Variants in CTNND2 observed in about 807,000 individuals in gnomAD.
CTNND2 encodes catenin delta-2.
CTNND2 carries 22 observed loss-of-function variants against 144.4 expected under a neutral mutation model. The observed-to-expected ratio is 0.15, with a 90% CI of 0.11 to 0.22. The LOEUF is 0.22. CTNND2 is among the 10% of genes least tolerant of loss of function. The probability of loss-of-function intolerance (pLI) is 1.00; values close to 1 mark genes in which losing one functional copy is unlikely to be tolerated. For missense variants in CTNND2, 1,353 were observed against 1,618.8 expected (o/e 0.84, Z 2.82); for synonymous variants, 751 against 695.6 (o/e 1.08, Z -1.25).
At chr5:11,041,349 AT>A (rs1326429986) in intron 16 of CTNND2, among the ~76,000 whole-genome samples, 1 of 152,220 alleles carries the variant, frequency 6.6e-6, no homozygotes, top group African/African-American at 2.4e-5. Context: ...GGATATAAAA[AT>A]GGCAGGTATA....
chr5:11,887,076 C>T (rs982245505), intron 1 of CTNND2, among the ~76,000 whole-genome samples: 3 of 149,832 alleles, frequency 2.0e-5, no homozygotes, highest in African/African-American at 7.4e-5. Context: ...CTCTGCCTCC[C>T]GGGTTCACTC....
chr5:11,570,573 T>G (rs940412479), intron 2 of CTNND2, among the ~76,000 whole-genome samples: 7 of 152,166 alleles, frequency 4.6e-5, no homozygotes, highest in African/African-American at 1.7e-4. Context: ...GATTTTTTGC[T>G]TCATTATCTT....
chr5:11,471,539 T>C (rs529562208), intron 3 of CTNND2, among the ~76,000 whole-genome samples: 2 of 152,352 alleles, frequency 1.3e-5, no homozygotes, highest in East Asian at 1.9e-4. Flanking sequence ...AATAGAATAA[T>C]GGTTTTGATA....
intron 12 of CTNND2, among the ~76,000 whole-genome samples, chr5:11,141,631 A>G (rs2149735537): frequency 6.6e-6 from 1 of 152,324 alleles, no homozygotes; most frequent in African/African-American, 2.4e-5. Context: ...GCAAAGGGAG[A>G]AAAAACTGTT....
intron 3 of CTNND2, among the ~76,000 whole-genome samples, chr5:11,486,655 G>A (rs1201089929): frequency 6.6e-6 from 1 of 151,844 alleles, no homozygotes; most frequent in African/African-American, 2.4e-5. Context: ...ACAGAGGGAG[G>A]AAGAAGGGGA....
intron 2 of CTNND2, among the ~76,000 whole-genome samples, chr5:11,704,608 T>C (rs760957220): frequency 2.0e-5 from 3 of 152,040 alleles, no homozygotes; most frequent in Non-Finnish European, 4.4e-5. Flanking sequence ...ACTGTGTTGG[T>C]CCTGGAGGGC....
intron 8 of CTNND2, among the ~76,000 whole-genome samples, chr5:11,358,350 A>G (rs1194984205): frequency 2.6e-5 from 4 of 152,220 alleles, no homozygotes; most frequent in Non-Finnish European, 4.4e-5. Flanking sequence ...GTGAATCCAC[A>G]CAGGTAAGCA....
chr5:11,082,816 T>C lies in CTNND2; in HGVS notation c.2668A>G (p.Lys890Glu). 1.2e-6 allele frequency: 2 copies of C among 1,614,154 alleles called. No homozygotes were observed. The highest frequency in any genetic ancestry group is 2.2e-5 in the South Asian group (2 of 91,076). The change falls in exon 16 of 22, where the codon AAA becomes GAA. Residue 890 changes from lysine to glutamate, a missense_variant. Lys to Glu is a moderately conservative substitution (Grantham distance 56). This residue lies in a region of CTNND2 where 459 missense variants were observed against 674.3 expected (regional missense o/e 0.68). Coordinates refer to ENST00000304623, the MANE Select transcript of CTNND2 (RefSeq NM_001332.4). ...ACGAGGATGGGCAGGCCTTTCTCTT[T>C]TCGGACAGCGGCTCGGATATATACT... is the stretch of plus-strand genomic sequence containing the variant. Reference protein sequence around the residue: ...WSVYIRAAVRKEKGLPILVEL... With the variant: ...WSVYIRAAVREEKGLPILVEL...
At chr5:11,549,631 G>T (rs939120010) in intron 3 of CTNND2, among the ~76,000 whole-genome samples, 8 of 152,060 alleles carry the variant, frequency 5.3e-5, no homozygotes, top group African/African-American at 1.7e-4. Flanking sequence ...ACTCTCTTTG[G>T]TAAAATTCTT....
rs547887612 is a variant in CTNND2 at position 11,212,755 on chromosome 5, G to C, written c.1762-13094C>G. ...CAGAGAGACCAGCAGTGGAAGGCTG[G>C]AGAGTGGGAGCTGGTCTCGGTAAGG... On this transcript the variant is annotated intron_variant, in intron 10 of 21. Transcript: ENST00000304623. Among the ~76,000 whole-genome samples the C allele has an allele frequency of 1.3e-3, 194 of 152,212 alleles. 1 individual carries two copies. The highest frequency in any genetic ancestry group is 2.2e-3 in the Non-Finnish European group (151 of 68,036).
chr5:11,087,948 C>G (rs976997089), intron 15 of CTNND2, among the ~76,000 whole-genome samples: 1 of 152,120 alleles, frequency 6.6e-6, no homozygotes, highest in African/African-American at 2.4e-5. Flanking sequence ...GTAAAAGTGA[C>G]CCAGAGGAAG....
chr5:11,054,867 A>G (rs776259541), intron 16 of CTNND2, among the ~76,000 whole-genome samples: 6 of 152,114 alleles, frequency 3.9e-5, no homozygotes, highest in Non-Finnish European at 7.3e-5. Context: ...GAGCCTTTAC[A>G]TTTCCATCCT....
chr5:11,487,824 C>A (rs965993050), intron 3 of CTNND2, among the ~76,000 whole-genome samples: 3 of 152,028 alleles, frequency 2.0e-5, no homozygotes, highest in Admixed American at 2.0e-4. Context: ...TGAAATTGAC[C>A]ACGGTGGGAG....
In CTNND2 at chr5:10,972,248, T is replaced by C. The variant is rs1311326185; in HGVS notation, c.*1205A>G. ...TATGCGTGAATGTGTGAAAATCCTA[T>C]AACTCCACTTCAACTGGCCTAATAT... On this transcript the variant is annotated 3_prime_UTR_variant, in exon 22 of 22. Transcript: ENST00000304623. 6.6e-6 allele frequency: 1 copy of C among 152,644 alleles called. No homozygotes were observed. Among genetic ancestry groups the C allele is most frequent in the Non-Finnish European group, 1.5e-5 (1 of 68,048 alleles). The allele number at this position is 152,644 out of a possible 1,614,324, so 9.5% of individuals were successfully genotyped here. A position where few individuals can be genotyped will look rare whatever the true frequency, so the allele number is the denominator to read the frequency against.
chr5:11,168,352 T>A (rs1759559023), intron 11 of CTNND2, among the ~76,000 whole-genome samples: 1 of 152,230 alleles, frequency 6.6e-6, no homozygotes, highest in Admixed American at 6.5e-5. Flanking sequence ...CACAGTAGTT[T>A]TTTTAAGTAA....
chr5:11,080,382 C>G (rs961006604), intron 16 of CTNND2, among the ~76,000 whole-genome samples: 3 of 152,134 alleles, frequency 2.0e-5, no homozygotes, highest in Non-Finnish European at 4.4e-5. Flanking sequence ...ATTAGTACAG[C>G]CACTACTGTA....
intron 2 of CTNND2, among the ~76,000 whole-genome samples, chr5:11,614,386 T>C (rs1195180519): frequency 1.3e-5 from 2 of 152,200 alleles, no homozygotes; most frequent in Non-Finnish European, 2.9e-5. Context: ...TATTTCTGCT[T>C]CATTCTACCA....
intron 2 of CTNND2, among the ~76,000 whole-genome samples, chr5:11,662,817 C>T (rs1040459159): frequency 1.3e-5 from 2 of 152,116 alleles, no homozygotes; most frequent in Admixed American, 6.6e-5. Flanking sequence ...GCCTCCCCAT[C>T]CCAAAACCCC....
intron 2 of CTNND2, among the ~76,000 whole-genome samples, chr5:11,730,403 T>G (rs571187125): frequency 6.6e-6 from 1 of 152,328 alleles, no homozygotes; most frequent in East Asian, 1.9e-4. Context: ...AAGCCTCTTC[T>G]TTGTAATGAA....
Sources: allele counts gnomAD v4.1 joint callset (sites outside exome capture counted in the v4.1 genomes callset), GRCh38; gene constraint gnomAD v4.1.1; regional missense constraint gnomAD v4.1.1; transcripts MANE v1.5; gene names NCBI Gene and HGNC (gene_info 2026-07-23, HGNC 2026-07-21).